The following CDH12 variants were observed in gnomAD, a reference collection of about 807,000 sequenced individuals.
CDH12 encodes cadherin 12.
A neutral mutation model predicts 74.1 loss-of-function variants in CDH12; 41 were observed. The ratio of observed to expected loss-of-function variants is 0.55; its 90% CI spans 0.43 to 0.72. CDH12 has a LOEUF of 0.72. CDH12 is among the 30% of genes least tolerant of loss of function. The pLI is 0.00. For synonymous variants in CDH12, 399 were observed against 355.0 expected (o/e 1.12, Z -1.39); for missense variants, 945 against 977.2 (o/e 0.97, Z 0.44).
intron 4 of CDH12, among the ~76,000 whole-genome samples, chr5:22,165,796 G>T (rs944791140): frequency 6.6e-6 from 1 of 152,136 alleles, no homozygotes; most frequent in South Asian, 2.1e-4. Flanking sequence ...AACCAAGATG[G>T]CGAGGAGAGT....
chr5:22,624,776 G>A (rs2126846639), intron 1 of CDH12, among the ~76,000 whole-genome samples: 1 of 152,304 alleles, frequency 6.6e-6, no homozygotes, highest in African/African-American at 2.4e-5. Flanking sequence ...TCTAGAACTA[G>A]AAATACCATT....
At chr5:22,641,668 C>G (rs1284498738) in intron 1 of CDH12, among the ~76,000 whole-genome samples, 1 of 152,160 alleles carries the variant, frequency 6.6e-6, no homozygotes, top group Admixed American at 6.6e-5. Flanking sequence ...TTGCACTAAC[C>G]AAGGCTTCTG....
chr5:22,310,770 A>G (rs1338234691), intron 3 of CDH12, among the ~76,000 whole-genome samples: 2 of 152,172 alleles, frequency 1.3e-5, no homozygotes, highest in Non-Finnish European at 2.9e-5. Context: ...AATCTTAGTC[A>G]TCTTTTATCA....
intron 1 of CDH12, among the ~76,000 whole-genome samples, chr5:22,686,208 A>T (rs1741790100): frequency 6.6e-6 from 1 of 151,998 alleles, no homozygotes; most frequent in African/African-American, 2.4e-5. Context: ...AAATATATAT[A>T]TATTTTCACC....
intron 2 of CDH12, among the ~76,000 whole-genome samples, chr5:22,465,507 A>G (rs893661444): frequency 1.3e-5 from 2 of 152,106 alleles, no homozygotes; most frequent in Non-Finnish European, 2.9e-5. Context: ...TTAGCTAGGC[A>G]TTCTGGTGCA....
At chr5:22,705,456 CTT>C (rs1438836663) in intron 1 of CDH12, among the ~76,000 whole-genome samples, 2 of 146,878 alleles carry the variant, frequency 1.4e-5, no homozygotes, top group Non-Finnish European at 1.5e-5. Context: ...TCAAAGTAAA[CTT>C]TTTGCAAAAA....
intron 8 of CDH12, among the ~76,000 whole-genome samples, chr5:21,835,978 GACATATATATGTGTACATATATACACGT>G (rs1484452116): frequency 1.3e-5 from 2 of 151,696 alleles, no homozygotes; most frequent in Non-Finnish European, 2.9e-5. Flanking sequence ...ATAGCATATA[GACATATATATGTGTACATATATACACGT>G]ACATACATAT....
intron 3 of CDH12, among the ~76,000 whole-genome samples, chr5:22,366,603 C>T (rs1020471320): frequency 4.6e-5 from 7 of 152,216 alleles, no homozygotes; most frequent in African/African-American, 1.4e-4. Flanking sequence ...GAAAATGAAT[C>T]AGTTCTGACT....
chr5:22,759,754 G>T (rs1746110445), intron 1 of CDH12, among the ~76,000 whole-genome samples: 1 of 152,182 alleles, frequency 6.6e-6, no homozygotes, highest in Admixed American at 6.5e-5. Context: ...GAAACAATAG[G>T]ATGTGAATTT....
intron 1 of CDH12, among the ~76,000 whole-genome samples, chr5:22,836,209 TTTTCTTTC>T (rs1236836264): frequency 1.0e-5 from 1 of 97,388 alleles, no homozygotes; most frequent in Non-Finnish European, 2.1e-5. Flanking sequence ...TTTTTTCTTT[TTTTCTTTC>T]TTTCTCTTTT....
At chr5:22,052,179 C>T (rs948585899) in intron 5 of CDH12, among the ~76,000 whole-genome samples, 3 of 152,112 alleles carry the variant, frequency 2.0e-5, no homozygotes, top group African/African-American at 2.4e-5. Flanking sequence ...TTAAAAACAA[C>T]GCTGTCTATT....
At chr5:21,995,170 G>A (rs1330680322) in intron 5 of CDH12, among the ~76,000 whole-genome samples, 1 of 151,938 alleles carries the variant, frequency 6.6e-6, no homozygotes, top group Non-Finnish European at 1.5e-5. Flanking sequence ...AACACTCACC[G>A]CGATCACGGC....
chr5:22,643,431 A>T (rs191877442), intron 1 of CDH12, among the ~76,000 whole-genome samples: 64 of 152,302 alleles, frequency 4.2e-4, no homozygotes, highest in African/African-American at 1.5e-3. Context: ...ATATGAAGGG[A>T]AAATAGAATT....
chr5:21,780,257 C>A (rs1745830081), intron 11 of CDH12, among the ~76,000 whole-genome samples: 1 of 152,158 alleles, frequency 6.6e-6, no homozygotes, highest in Admixed American at 6.5e-5. Flanking sequence ...ATATTAATAA[C>A]TAACAAATTA....
At chr5:22,120,396 A>T (rs34004691) in intron 4 of CDH12, among the ~76,000 whole-genome samples, 1 of 152,032 alleles carries the variant, frequency 6.6e-6, no homozygotes, top group Admixed American at 6.6e-5. Flanking sequence ...CAGTAGATGA[A>T]GTATTACATG....
intron 3 of CDH12, among the ~76,000 whole-genome samples, chr5:22,392,629 C>T (rs1742292469): frequency 6.6e-6 from 1 of 152,112 alleles, no homozygotes; most frequent in Admixed American, 6.6e-5. Context: ...GAGAGGTATC[C>T]ATGCTTCATC....
chr5:22,355,845 T>TA (rs1218104602), intron 3 of CDH12, among the ~76,000 whole-genome samples: 4 of 152,072 alleles, frequency 2.6e-5, no homozygotes, highest in Admixed American at 2.6e-4. Context: ...ATGTGTAGTT[T>TA]AAAAGGAGTC....
chr5:22,719,321 C>A (rs1325450570), intron 1 of CDH12, among the ~76,000 whole-genome samples: 1 of 152,040 alleles, frequency 6.6e-6, no homozygotes, highest in Non-Finnish European at 1.5e-5. Flanking sequence ...AAATAACAAT[C>A]AAAAATGAAA....
intron 5 of CDH12, among the ~76,000 whole-genome samples, chr5:22,031,454 A>G (rs1291329619): frequency 2.6e-5 from 4 of 152,168 alleles, no homozygotes; most frequent in Non-Finnish European, 5.9e-5. Context: ...ATTATCATTC[A>G]TGTGTTCGTG....
Sources: allele counts gnomAD v4.1 joint callset (sites outside exome capture counted in the v4.1 genomes callset), GRCh38; gene constraint gnomAD v4.1.1; transcripts MANE v1.5; gene names NCBI Gene and HGNC (gene_info 2026-07-23, HGNC 2026-07-21).